Variants in CST7 observed in about 807,000 individuals in gnomAD.
CST7 encodes the protein cystatin-F.
CST7 carries 15 observed loss-of-function variants against 13.1 expected under a neutral mutation model. The observed-to-expected ratio is 1.14, with a 90% CI of 0.77 to 1.76. The LOEUF is 1.76. CST7 is among the 40% of genes most tolerant of loss of function. CST7 has a pLI of 0.00. For synonymous variants in CST7, 75 were observed against 66.9 expected, an observed-to-expected ratio of 1.12 and a Z score of -0.59; for missense variants, 193 against 178.8, an observed-to-expected ratio of 1.08 and a Z score of -0.45.
intron 2 of CST7, among the ~76,000 whole-genome samples, chr20:24,958,396 T>C (rs762648552): frequency 4.6e-5 from 7 of 152,106 alleles, no homozygotes; most frequent in Admixed American, 1.3e-4. Context: ...CTTGGTGATA[T>C]TGGGGACAAC....
In CST7 at chr20:24,951,667, C is replaced by T. The variant is rs2087819946; in HGVS notation, c.70+2092C>T. On this transcript the variant is annotated intron_variant, in intron 1 of 3. Coordinates refer to ENST00000480798, the MANE Select transcript of CST7 (RefSeq NM_003650.4). The stretch of plus-strand genomic sequence containing the variant: ...TAGGGGGCGGGGAAGCAACAGGGAC[C>T]CCAAGGGTGGTGCCGTCTGAGCATC... 2.0e-5 allele frequency among the ~76,000 whole-genome samples: 3 copies of T among 152,240 alleles called. No individual in the cohort carries two copies. The South Asian group carries it at 6.2e-4, about 32-fold the overall frequency.
intron 1 of CST7, among the ~76,000 whole-genome samples, chr20:24,949,894 C>T (rs138698519): frequency 1.6e-3 from 243 of 152,340 alleles, no homozygotes; most frequent in Middle Eastern, 0.01. Flanking sequence ...AGCTCCTCTG[C>T]GGGACGGAGG....
In CST7 at chr20:24,959,698, CTCCGTTG is replaced by C. The variant is rs752162987; in HGVS notation, c.427_433del (p.Arg143ThrfsTer28). 1 of 1,614,028 alleles carries C rather than the reference CTCCGTTG, an allele frequency of 6.2e-7. No individual in the cohort carries two copies. Among genetic ancestry groups the C allele is most frequent in the Non-Finnish European group, 8.5e-7 (1 of 1,180,000 alleles). On this transcript the variant is annotated frameshift_variant, in exon 4 of 4. Transcript: ENST00000480798. LOFTEE classifies it high-confidence loss of function. ...GCTCCAGCACTTCGAGGTGCCTGTT[CTCCGTTG>C]TCACTGACCCCCGCCTCTTCAGCAA...
At chr20:24,950,069 G>A (rs1451014304) in intron 1 of CST7, among the ~76,000 whole-genome samples, 1 of 152,192 alleles carries the variant, frequency 6.6e-6, no homozygotes, top group Non-Finnish European at 1.5e-5. Flanking sequence ...GGGGGAGGGG[G>A]GACAGGGAGG....
intron 1 of CST7, among the ~76,000 whole-genome samples, chr20:24,956,730 C>T (rs999825662): frequency 4.6e-5 from 7 of 151,916 alleles, no homozygotes; most frequent in Non-Finnish European, 7.4e-5. Context: ...GGTCTTGAGA[C>T]GAGGACGGCG....
chr20:24,959,046 T>C lies in CST7; in HGVS notation c.360+2T>C. ...CAAACCAACCACACCTTGAAGCAGG[T>C]AAAGCAGCAGGCCCTTCTCTCAGAT... On this transcript the variant is annotated splice_donor_variant, in intron 3 of 3. Transcript: ENST00000480798. LOFTEE classifies it high-confidence loss of function. 3 of 1,609,720 alleles carry C rather than the reference T, an allele frequency of 1.9e-6. No individual in the cohort carries two copies. The highest frequency in any genetic ancestry group is 2.6e-6 in the Non-Finnish European group (3 of 1,176,150).
At chr20:24,953,340 G>A (rs917653893) in intron 1 of CST7, among the ~76,000 whole-genome samples, 2 of 152,164 alleles carry the variant, frequency 1.3e-5, no homozygotes, top group Admixed American at 6.5e-5. Context: ...AGCTGGAAGG[G>A]GCAGCGTGAT....
chr20:24,958,813 A>G, intron 2 of CST7, 115 bp from the exon 3 acceptor site: 1 of 758,956 alleles, frequency 1.3e-6, no homozygotes, highest in South Asian at 1.6e-5. Flanking sequence ...ATGCTGGCCC[A>G]CTTCCCTTCT....
intron 1 of CST7, among the ~76,000 whole-genome samples, chr20:24,956,486 C>A (rs568872507): frequency 3.9e-5 from 6 of 152,302 alleles, no homozygotes; most frequent in Admixed American, 2.6e-4. Context: ...GTGGGGGAGG[C>A]CCCCGATGCT....
At chr20:24,958,836 C>A in intron 2 of CST7, 92 bp from the exon 3 acceptor site, 2 of 920,602 alleles carry the variant, frequency 2.2e-6, no homozygotes, top group Non-Finnish European at 3.5e-6. Context: ...TCGGTGGGCA[C>A]CTGCACCACT....
intron 1 of CST7, among the ~76,000 whole-genome samples, chr20:24,954,758 G>A (rs1187162573): frequency 6.6e-6 from 1 of 152,084 alleles, no homozygotes; most frequent in Non-Finnish European, 1.5e-5. Context: ...TCATGAGCTT[G>A]GAAGGGAAAT....
chr20:24,952,094 G>A (rs1318540269), intron 1 of CST7, among the ~76,000 whole-genome samples: 6 of 152,252 alleles, frequency 3.9e-5, no homozygotes, highest in Admixed American at 3.9e-4. Context: ...GGCAAGATTT[G>A]TTTTTCCCAA....
rs866552052 is a variant in CST7, at chr20:24,957,311, C to G, written c.95C>G (p.Ser32Ter). 2.5e-6 allele frequency: 4 copies of G among 1,613,566 alleles called. No homozygotes were observed. The Middle Eastern group carries it at 5.0e-4, about 200-fold the overall frequency. ...SPDTCSQDLN[S>*]RVKPGFPKTI... is the part of the protein sequence containing the mutation. Reference sequence around the variant, plus strand: ...GATACTTGTTCCCAGGACCTTAACTCACGTGTGAAGCCAGGATTTCCTAAA... The same window carrying G: ...GATACTTGTTCCCAGGACCTTAACTGACGTGTGAAGCCAGGATTTCCTAAA... Residue 32 changes from serine (S) to a stop codon, truncating the protein, a stop_gained, in exon 2 of 4, where the codon TCA becomes TGA. Transcript: ENST00000480798. LOFTEE classifies it high-confidence loss of function.
chr20:24,949,697 G>A lies in CST7; in HGVS notation c.70+122G>A, dbSNP rs2122438818. On this transcript the variant is annotated intron_variant, in intron 1 of 3. Coordinates refer to ENST00000480798, the MANE Select transcript of CST7 (RefSeq NM_003650.4). ...AGCCCCCACAGGACCATGCGGTGGT[G>A]AGAGGTGCTGGGAGTGGTGAGAGGG... 7 of 1,319,776 alleles carry A rather than the reference G, an allele frequency of 5.3e-6. No homozygotes were observed. The South Asian group carries it at 8.4e-5, about 16-fold the overall frequency. 81.8% of individuals were successfully genotyped at this position (1,319,776 alleles called of 1,614,324 possible).
chr20:24,955,687 G>C (rs2087849559), intron 1 of CST7, among the ~76,000 whole-genome samples: 1 of 152,176 alleles, frequency 6.6e-6, no homozygotes, highest in Admixed American at 6.5e-5. Flanking sequence ...CTGACCTCGT[G>C]ATCTGCCCGC....
intron 1 of CST7, among the ~76,000 whole-genome samples, chr20:24,950,099 A>C (rs1384302603): frequency 1.3e-5 from 2 of 152,180 alleles, no homozygotes; most frequent in Non-Finnish European, 2.9e-5. Context: ...CTGCCTGTGC[A>C]CTGGGAAACT....
intron 1 of CST7, among the ~76,000 whole-genome samples, chr20:24,954,266 C>A (rs1568805084): frequency 6.6e-6 from 1 of 152,232 alleles, no homozygotes. Flanking sequence ...AATGGGCACA[C>A]ATGAGAAGAA....
At chr20:24,951,214 G>T (rs1265113131) in intron 1 of CST7, among the ~76,000 whole-genome samples, 2 of 152,176 alleles carry the variant, frequency 1.3e-5, no homozygotes, top group Non-Finnish European at 1.5e-5. Flanking sequence ...ACACAGAGCG[G>T]GCCCTCAGCC....
At chr20:24,955,286 C>T (rs1194577231) in intron 1 of CST7, among the ~76,000 whole-genome samples, 4 of 152,138 alleles carry the variant, frequency 2.6e-5, no homozygotes, top group Non-Finnish European at 5.9e-5. Flanking sequence ...CTGATGGTAA[C>T]ACTGCAGGTC....
Sources: gnomAD v4.1 joint callset for allele counts (sites outside exome capture counted in the v4.1 genomes callset) on GRCh38, gnomAD v4.1.1 for gene constraint, MANE v1.5 for transcripts, NCBI Gene and HGNC (gene_info 2026-07-23, HGNC 2026-07-21) for gene names.